Variants in LEKR1 observed in about 807,000 individuals in gnomAD.
LEKR1 encodes protein LEKR1.
Under a neutral mutation model 72.4 loss-of-function variants are expected in LEKR1, and 59 were observed. The ratio of observed to expected loss-of-function variants is 0.82; its 90% CI spans 0.66 to 1.01. The LOEUF (loss-of-function observed/expected upper bound fraction) is 1.01, where lower values mean the gene tolerates loss of function less well. LEKR1 is among the 50% of genes least tolerant of loss of function. LEKR1 has a pLI of 0.00. For synonymous variants in LEKR1, 257 were observed against 263.2 expected (o/e 0.98, Z 0.23); for missense variants, 728 against 759.2 (o/e 0.96, Z 0.48).
chr3:156,958,288 C>T (rs1037647154), intron 6 of LEKR1, among the ~76,000 whole-genome samples: 2 of 152,138 alleles, frequency 1.3e-5, no homozygotes, highest in Non-Finnish European at 2.9e-5. Context: ...AGATATCTTT[C>T]TGGTGAACTG....
chr3:157,007,271 G>A (rs1195794322), intron 9 of LEKR1, among the ~76,000 whole-genome samples: 1 of 152,100 alleles, frequency 6.6e-6, no homozygotes, highest in Non-Finnish European at 1.5e-5. Context: ...ACCATCTACA[G>A]ACCATAAGGA....
Position 156,927,515 on chromosome 3 carries a change from A to G in LEKR1, c.470A>G (p.Asn157Ser). 8.2e-7 allele frequency: 1 copy of G among 1,214,178 alleles called. No individual in the cohort carries two copies. The highest frequency in any genetic ancestry group is 1.4e-5 in the South Asian group (1 of 69,778). 75.2% of individuals were successfully genotyped at this position (1,214,178 alleles called of 1,614,324 possible). ...FTKRELTSIKNEVYDNYQNWT... is the reference protein window; with the variant it reads ...FTKRELTSIKSEVYDNYQNWT... ...AAAAGGGAACTAACCAGTATTAAAA[A>G]TGAAGTATATGATAATTACCAAAAC... The change falls in exon 5 of 13, where the codon AAT becomes AGT. Residue 157 changes from asparagine to serine, a missense_variant. Transcript: ENST00000356539.
chr3:157,031,766 A>T (rs1734629849), intron 12 of LEKR1, among the ~76,000 whole-genome samples: 1 of 152,186 alleles, frequency 6.6e-6, no homozygotes, highest in Non-Finnish European at 1.5e-5. Context: ...GCTAATTAAG[A>T]GGAGGAAAGC....
rs1729883877 is a variant in LEKR1, at chr3:156,978,307, T to TGCA, written c.746-887_746-886insGCA. On this transcript the variant is annotated intron_variant, in intron 6 of 12. Coordinates refer to ENST00000356539, the MANE Select transcript of LEKR1 (RefSeq NM_001004316.3). ...ATGTATTTATATGGATGCATAAAGA[T>TGCA]TTTAAAGTTTACTATTAAAATATGT... Among the ~76,000 whole-genome samples, 3 of 152,316 alleles carry TGCA rather than the reference T, an allele frequency of 2.0e-5. No individual in the cohort carries two copies. In the South Asian group the frequency reaches 6.2e-4, roughly 32 times the overall value.
At chr3:156,856,762 C>A (rs559790980) in intron 3 of LEKR1, among the ~76,000 whole-genome samples, 9 of 151,904 alleles carry the variant, frequency 5.9e-5, no homozygotes, top group African/African-American at 2.2e-4. Context: ...TCATTGAATT[C>A]TTTTATTAGT....
chr3:156,988,918 G>A (rs1202034448), intron 7 of LEKR1, among the ~76,000 whole-genome samples: 6 of 151,952 alleles, frequency 3.9e-5, no homozygotes, highest in African/African-American at 1.2e-4. Context: ...TGCAACCTCC[G>A]CCTCCCGGGT....
At chr3:156,970,979 G>GA (rs1259674501) in intron 6 of LEKR1, among the ~76,000 whole-genome samples, 2 of 150,862 alleles carry the variant, frequency 1.3e-5, no homozygotes, top group Admixed American at 6.6e-5. Flanking sequence ...CACAGAATTG[G>GA]AAAAAACTAC....
At chr3:157,022,744 C>T (rs1382757664) in intron 10 of LEKR1, among the ~76,000 whole-genome samples, 1 of 152,156 alleles carries the variant, frequency 6.6e-6, no homozygotes, top group Non-Finnish European at 1.5e-5. Flanking sequence ...AGAGGAATAT[C>T]TTCTTTTTTT....
At chr3:156,996,894 G>A (rs977542242) in intron 9 of LEKR1, among the ~76,000 whole-genome samples, 7 of 151,908 alleles carry the variant, frequency 4.6e-5, no homozygotes, top group Non-Finnish European at 7.4e-5. Context: ...GTGAAACCCC[G>A]TCTCTTCTAA....
intron 6 of LEKR1, among the ~76,000 whole-genome samples, chr3:156,946,412 C>A (rs1321706805): frequency 6.6e-6 from 1 of 151,474 alleles, no homozygotes. Flanking sequence ...TTCTTCCTTT[C>A]CAATTTGGAT....
intron 12 of LEKR1, among the ~76,000 whole-genome samples, chr3:157,032,755 T>C (rs375478601): frequency 2.6e-5 from 4 of 152,174 alleles, no homozygotes; most frequent in Non-Finnish European, 4.4e-5. Flanking sequence ...AGAAACTAGA[T>C]GCAGGCATAA....
chr3:156,879,159 G>A (rs1437136456), intron 3 of LEKR1, among the ~76,000 whole-genome samples: 6 of 152,170 alleles, frequency 3.9e-5, no homozygotes, highest in African/African-American at 4.8e-5. Context: ...AAGAAGACAG[G>A]AAAATGTGGG....
intron 2 of LEKR1, among the ~76,000 whole-genome samples, chr3:156,836,424 CA>C (rs940782322): frequency 6.6e-6 from 1 of 151,026 alleles, no homozygotes; most frequent in South Asian, 2.1e-4. Context: ...AGCTTTTTCT[CA>C]AAAAAAACAA....
At chr3:156,878,785 C>T (rs959712290) in intron 3 of LEKR1, among the ~76,000 whole-genome samples, 5 of 152,066 alleles carry the variant, frequency 3.3e-5, no homozygotes, top group Admixed American at 6.5e-5. Flanking sequence ...GGGAGGAACT[C>T]GGTGGGAAAT....
At chr3:157,013,036 C>G (rs1482861) in intron 10 of LEKR1, among the ~76,000 whole-genome samples, 5,082 of 152,108 alleles carry the variant, frequency 0.033, 101 homozygotes, top group Admixed American at 0.043. Flanking sequence ...CTAGTGAGAT[C>G]GTCTCTCATA....
In LEKR1 at chr3:157,005,033, T is replaced by C. The variant is rs373644231; in HGVS notation, c.1110-6380T>C. ...TTGAGATCAATAAAATTAATAAACC[T>C]CAAGGTAGACTAATCAGGAATAAAA... is the stretch of plus-strand genomic sequence containing the variant. On this transcript the variant is annotated intron_variant, in intron 9 of 12. Transcript: ENST00000356539. 1.5e-4 allele frequency among the ~76,000 whole-genome samples: 23 copies of C among 151,826 alleles called. No individual in the cohort carries two copies. The South Asian group carries it at 3.7e-3, about 25-fold the overall frequency.
chr3:156,847,623 AG>A (rs931229615), intron 2 of LEKR1, among the ~76,000 whole-genome samples: 11 of 152,338 alleles, frequency 7.2e-5, no homozygotes, highest in African/African-American at 2.2e-4. Flanking sequence ...ATAATTTGAA[AG>A]GGTTATTACA....
chr3:156,879,588 G>T (rs990501020), intron 3 of LEKR1, among the ~76,000 whole-genome samples: 1 of 152,194 alleles, frequency 6.6e-6, no homozygotes, highest in African/African-American at 2.4e-5. Flanking sequence ...AAGTAATGAG[G>T]AGCCAAATGT....
At chr3:156,964,714 T>A (rs1015422379) in intron 6 of LEKR1, among the ~76,000 whole-genome samples, 34 of 152,096 alleles carry the variant, frequency 2.2e-4, no homozygotes, top group African/African-American at 7.5e-4. Flanking sequence ...ACACTCCATC[T>A]CCTTCAGTTT....
Sources: allele counts gnomAD v4.1 joint callset (sites outside exome capture counted in the v4.1 genomes callset), GRCh38; gene constraint gnomAD v4.1.1; transcripts MANE v1.5; gene names NCBI Gene and HGNC (gene_info 2026-07-23, HGNC 2026-07-21).